Variants in RALYL observed in about 807,000 individuals in gnomAD.
RALYL encodes RALY RNA binding protein like.
Under a neutral mutation model 35.1 loss-of-function variants are expected in RALYL, and 29 were observed. That is an observed-to-expected ratio of 0.83 (90% CI 0.61 to 1.13). RALYL has a LOEUF of 1.13. Among genes scored for constraint, RALYL ranks in the 50% most tolerant of loss-of-function variants. The pLI is 0.00. For synonymous variants in RALYL, 120 were observed against 127.6 expected, an observed-to-expected ratio of 0.94 and a Z score of 0.40; for missense variants, 359 against 360.4, an observed-to-expected ratio of 1.00 and a Z score of 0.03.
chr8:84,272,607 T>C (rs1434402850), intron 1 of RALYL, among the ~76,000 whole-genome samples: 1 of 152,170 alleles, frequency 6.6e-6, no homozygotes, highest in East Asian at 1.9e-4. Flanking sequence ...CTAGCATACA[T>C]GTAATAATTT....
chr8:84,668,668 A>G (rs1278997930), intron 2 of RALYL, among the ~76,000 whole-genome samples: 1 of 152,140 alleles, frequency 6.6e-6, no homozygotes, highest in Non-Finnish European at 1.5e-5. Context: ...TACAAATAGA[A>G]CAGTCATTCT....
intron 1 of RALYL, among the ~76,000 whole-genome samples, chr8:84,234,876 T>C (rs1432152190): frequency 3.3e-5 from 5 of 151,934 alleles, no homozygotes; most frequent in Admixed American, 3.3e-4. Flanking sequence ...GTGATTCTCC[T>C]GCCTCAGCCT....
intron 1 of RALYL, among the ~76,000 whole-genome samples, chr8:84,400,759 G>A (rs1227960233): frequency 1.3e-5 from 2 of 152,188 alleles, no homozygotes; most frequent in Admixed American, 6.5e-5. Flanking sequence ...GGAAAGCTAT[G>A]GGAAAGCTGT....
At chr8:84,718,809 A>G (rs568050961) in intron 2 of RALYL, among the ~76,000 whole-genome samples, 1 of 152,220 alleles carries the variant, frequency 6.6e-6, no homozygotes, top group East Asian at 1.9e-4. Context: ...GTCTAATTTT[A>G]TGACTTTTAA....
In RALYL at chr8:84,921,670, A is replaced by G. The variant is rs1849323015; in HGVS notation, c.*759A>G. 6.6e-6 allele frequency: 1 copy of G among 152,160 alleles called. No individual in the cohort carries two copies. The highest frequency in any genetic ancestry group is 1.5e-5 in the Non-Finnish European group (1 of 67,996). The allele number at this position is 152,160 out of a possible 1,614,324, so 9.4% of individuals were successfully genotyped here. A position where few individuals can be genotyped will look rare whatever the true frequency, so the allele number is the denominator to read the frequency against. On this transcript the variant is annotated 3_prime_UTR_variant, in exon 9 of 9. Transcript: ENST00000521268. ...TCCAAAAGTTTAAATTAGTGCATACATCATGTCATTTCACCTCCTGTTCCT... is the reference window on the plus strand; with the variant it reads ...TCCAAAAGTTTAAATTAGTGCATACGTCATGTCATTTCACCTCCTGTTCCT...
chr8:84,540,555 A>AT (rs941527951), intron 2 of RALYL, among the ~76,000 whole-genome samples: 24 of 129,828 alleles, frequency 1.8e-4, no homozygotes, highest in African/African-American at 6.2e-4. Context: ...ACCCATCATG[A>AT]TAAAAAAAAG....
At chr8:84,689,539 C>A (rs1029212965) in intron 2 of RALYL, among the ~76,000 whole-genome samples, 3 of 152,020 alleles carry the variant, frequency 2.0e-5, no homozygotes, top group African/African-American at 7.2e-5. Flanking sequence ...AATAAACATA[C>A]GTGTGCATGT....
chr8:84,808,218 T>C (rs1349545312), intron 4 of RALYL, among the ~76,000 whole-genome samples: 2 of 152,246 alleles, frequency 1.3e-5, no homozygotes, highest in Non-Finnish European at 2.9e-5. Flanking sequence ...TTCTCCTACA[T>C]GTGGCTTGCC....
chr8:84,442,692 G>A lies in RALYL; in HGVS notation c.-23-86607G>A, dbSNP rs558634668. ...AAGGAAGCTGTGAACTACATTTTTG[G>A]TTGCAAGCTTGGAGGCAGAGGATAC... On this transcript the variant is annotated intron_variant, in intron 1 of 8. Transcript: ENST00000521268. 6.6e-5 allele frequency among the ~76,000 whole-genome samples: 10 copies of A among 152,204 alleles called. No individual in the cohort carries two copies. In the East Asian group the frequency reaches 1.9e-3, roughly 30 times the overall value.
intron 1 of RALYL, among the ~76,000 whole-genome samples, chr8:84,207,636 C>T (rs1279574263): frequency 6.6e-6 from 1 of 151,932 alleles, no homozygotes; most frequent in Non-Finnish European, 1.5e-5. Context: ...TTTGGAAGAT[C>T]TAATATACTC....
At chr8:84,696,787 C>A (rs1010933996) in intron 2 of RALYL, among the ~76,000 whole-genome samples, 1 of 151,934 alleles carries the variant, frequency 6.6e-6, no homozygotes, top group African/African-American at 2.4e-5. Flanking sequence ...TACATATTTA[C>A]TGTTCACATA....
At chr8:84,541,466 G>A (rs1257561215) in intron 2 of RALYL, among the ~76,000 whole-genome samples, 1 of 151,832 alleles carries the variant, frequency 6.6e-6, no homozygotes, top group Non-Finnish European at 1.5e-5. Context: ...AAAATTCAAT[G>A]AGAACTTTTA....
chr8:84,504,353 C>T (rs1268607304), intron 1 of RALYL, among the ~76,000 whole-genome samples: 3 of 151,960 alleles, frequency 2.0e-5, no homozygotes, highest in Non-Finnish European at 4.4e-5. Flanking sequence ...AATTGGTACC[C>T]TCATGTAATT....
At chr8:84,866,368 T>G (rs1013912777) in intron 6 of RALYL, among the ~76,000 whole-genome samples, 1 of 152,194 alleles carries the variant, frequency 6.6e-6, no homozygotes, top group African/African-American at 2.4e-5. Flanking sequence ...AATAATATAC[T>G]GTGTATCCAA....
At chr8:84,723,979 C>T (rs1336775546) in intron 2 of RALYL, among the ~76,000 whole-genome samples, 5 of 151,728 alleles carry the variant, frequency 3.3e-5, no homozygotes, top group Non-Finnish European at 5.9e-5. Context: ...ATCACCTTAT[C>T]TGGCTCTGTA....
intron 2 of RALYL, among the ~76,000 whole-genome samples, chr8:84,580,151 G>T (rs972843678): frequency 1.3e-5 from 2 of 152,156 alleles, no homozygotes; most frequent in South Asian, 4.1e-4. Context: ...CACAAATTGG[G>T]ATAGTTTTTA....
At chr8:84,220,686 G>T (rs1586288379) in intron 1 of RALYL, among the ~76,000 whole-genome samples, 1 of 151,850 alleles carries the variant, frequency 6.6e-6, no homozygotes, top group Non-Finnish European at 1.5e-5. Flanking sequence ...GATGAAAGTA[G>T]ACACTTTTAT....
intron 1 of RALYL, among the ~76,000 whole-genome samples, chr8:84,428,387 A>G (rs2046776980): frequency 6.6e-6 from 1 of 152,124 alleles, no homozygotes; most frequent in African/African-American, 2.4e-5. Context: ...ATTCATCCTA[A>G]TGTGGGGTAT....
chr8:84,761,146 C>A (rs1218188097), intron 2 of RALYL, among the ~76,000 whole-genome samples: 1 of 151,944 alleles, frequency 6.6e-6, no homozygotes, highest in Non-Finnish European at 1.5e-5. Context: ...TCCTCAGCAC[C>A]TGTGAGAGGA....
Sources: gnomAD v4.1 joint callset for allele counts (sites outside exome capture counted in the v4.1 genomes callset) on GRCh38, gnomAD v4.1.1 for gene constraint, MANE v1.5 for transcripts, NCBI Gene and HGNC (gene_info 2026-07-23, HGNC 2026-07-21) for gene names.